THRB: variants seen among roughly 807,000 people sequenced by gnomAD.
THRB encodes the protein nuclear receptor subfamily 1 group A member 2.
In THRB, 12 loss-of-function variants were observed where a neutral mutation model predicts 47.8. The ratio of observed to expected loss-of-function variants is 0.25; its 90% CI spans 0.16 to 0.41. The LOEUF is 0.41. THRB is among the 10% of genes least tolerant of loss of function. THRB has a pLI of 1.00. For synonymous variants in THRB, 218 were observed against 212.2 expected (o/e 1.03, Z -0.24); for missense variants, 348 against 589.2 (o/e 0.59, Z 4.24).
At chr3:24,425,325 T>C (rs939792691) in intron 1 of THRB, among the ~76,000 whole-genome samples, 1 of 151,950 alleles carries the variant, frequency 6.6e-6, no homozygotes, top group African/African-American at 2.4e-5. Context: ...GATGACTTCA[T>C]AGGGTTTTTC....
chr3:24,154,250 AAG>A (rs2037460584), intron 5 of THRB, among the ~76,000 whole-genome samples: 1 of 152,202 alleles, frequency 6.6e-6, no homozygotes, highest in Admixed American at 6.5e-5. Context: ...CATTTTTAAA[AAG>A]GGAATTCTGG....
intron 3 of THRB, among the ~76,000 whole-genome samples, chr3:24,271,278 A>G (rs536769858): frequency 1.3e-5 from 2 of 152,214 alleles, no homozygotes; most frequent in Non-Finnish European, 2.9e-5. Flanking sequence ...TGAAAATACT[A>G]AACAATCAGA....
intron 3 of THRB, among the ~76,000 whole-genome samples, chr3:24,272,377 A>ACAACAACAAC (rs1559791569): frequency 2.1e-5 from 3 of 146,008 alleles, no homozygotes; most frequent in African/African-American, 8.0e-5. Context: ...ACAACAAACA[A>ACAACAACAAC]AAACAAACAA....
intron 4 of THRB, among the ~76,000 whole-genome samples, chr3:24,195,939 A>G (rs1329220780): frequency 6.6e-6 from 1 of 152,200 alleles, no homozygotes; most frequent in East Asian, 1.9e-4. Flanking sequence ...ACCAATGGGA[A>G]CTGTTTTGTC....
At chr3:24,232,727 G>A (rs1246493256) in intron 3 of THRB, among the ~76,000 whole-genome samples, 3 of 152,178 alleles carry the variant, frequency 2.0e-5, no homozygotes, top group African/African-American at 4.8e-5. Context: ...TCAGGCCACG[G>A]CAGGTCCAGA....
In THRB at chr3:24,375,747, G is replaced by T. The variant is rs115154668; in HGVS notation, c.-260-38376C>A. Among the ~76,000 whole-genome samples the T allele has an allele frequency of 5.5e-3, 830 of 151,928 alleles. 8 individuals carry two copies. The highest frequency in any genetic ancestry group is 0.018 in the African/African-American group (759 of 41,482). On this transcript the variant is annotated intron_variant, in intron 1 of 10. Coordinates refer to ENST00000646209, the MANE Select transcript of THRB (RefSeq NM_001354712.2). ...TATTTTTACCTCACTTTACAGACAG[G>T]CAACCTCAAGCCCAGGGACATTGAG...
intron 4 of THRB, among the ~76,000 whole-genome samples, chr3:24,211,367 G>A (rs1188366865): frequency 7.2e-5 from 11 of 152,164 alleles, no homozygotes; most frequent in African/African-American, 2.7e-4. Flanking sequence ...TTTCCAGCAA[G>A]GGGAGAAACA....
intron 10 of THRB, among the ~76,000 whole-genome samples, chr3:24,126,963 A>G (rs1192807569): frequency 6.6e-6 from 1 of 152,234 alleles, no homozygotes; most frequent in Non-Finnish European, 1.5e-5. Flanking sequence ...GAAAGGCCGC[A>G]TAGAGGGAGG....
chr3:24,300,240 C>T (rs182144449), intron 2 of THRB, among the ~76,000 whole-genome samples: 8 of 152,288 alleles, frequency 5.3e-5, no homozygotes, highest in Admixed American at 3.3e-4. Context: ...AGTTGATACA[C>T]TATTCCAGGT....
rs2031401734 is a variant in THRB at position 24,120,116 on chromosome 3, G to A, written c.*2768C>T. 6.6e-6 allele frequency: 1 copy of A among 152,224 alleles called. No homozygotes were observed. 9.4% of individuals were successfully genotyped at this position (152,224 alleles called of 1,614,324 possible). On this transcript the variant is annotated 3_prime_UTR_variant, in exon 11 of 11. Coordinates refer to ENST00000646209, the MANE Select transcript of THRB (RefSeq NM_001354712.2). ...AATCCCTCACAAATGAGTTTTATGA[G>A]ATGGAGTCTTGAGATGCACTAAGTA...
intron 3 of THRB, among the ~76,000 whole-genome samples, chr3:24,231,520 G>T: frequency 6.6e-6 from 1 of 152,120 alleles, no homozygotes; most frequent in Non-Finnish European, 1.5e-5. Flanking sequence ...TAGTGTTACT[G>T]TTACTATATA....
intron 1 of THRB, among the ~76,000 whole-genome samples, chr3:24,452,300 G>GGT (rs1553765750): frequency 1.3e-5 from 2 of 151,774 alleles, no homozygotes; most frequent in Non-Finnish European, 2.9e-5. Flanking sequence ...CTGGATTTTT[G>GGT]GCACCCCCTT....
chr3:24,441,599 A>T (rs2071528284), intron 1 of THRB, among the ~76,000 whole-genome samples: 1 of 152,212 alleles, frequency 6.6e-6, no homozygotes. Context: ...TATTGAATGA[A>T]CCGAGGCAAT....
intron 9 of THRB, among the ~76,000 whole-genome samples, chr3:24,132,148 C>T (rs1274649493): frequency 6.6e-6 from 1 of 152,088 alleles, no homozygotes; most frequent in Non-Finnish European, 1.5e-5. Flanking sequence ...AGGAGTCATT[C>T]CAGGTGAGGA....
chr3:24,427,169 C>T (rs1250547503), intron 1 of THRB, among the ~76,000 whole-genome samples: 1 of 151,892 alleles, frequency 6.6e-6, no homozygotes, highest in Non-Finnish European at 1.5e-5. Flanking sequence ...AATGAAAACC[C>T]ACCTTCCCTA....
At chr3:24,284,145 A>G (rs2054959947) in intron 3 of THRB, among the ~76,000 whole-genome samples, 1 of 148,754 alleles carries the variant, frequency 6.7e-6, no homozygotes, top group African/African-American at 2.5e-5. Flanking sequence ...CCAAAAGAAC[A>G]AAGCTGGAGG....
intron 4 of THRB, among the ~76,000 whole-genome samples, chr3:24,205,811 C>T (rs1280134732): frequency 6.6e-6 from 1 of 152,012 alleles, no homozygotes; most frequent in Non-Finnish European, 1.5e-5. Context: ...GGAAGATCTA[C>T]CAAGCAAATG....
intron 1 of THRB, among the ~76,000 whole-genome samples, chr3:24,483,034 C>A (rs1696715729): frequency 6.6e-6 from 1 of 152,054 alleles, no homozygotes; most frequent in Non-Finnish European, 1.5e-5. Flanking sequence ...ATCTAAAATG[C>A]ATGTGTCTGT....
At chr3:24,414,539 C>A (rs1466756654) in intron 1 of THRB, among the ~76,000 whole-genome samples, 2 of 151,746 alleles carry the variant, frequency 1.3e-5, no homozygotes, top group African/African-American at 4.8e-5. Flanking sequence ...CCGGACATAG[C>A]CAAATTACAA....
Sources: allele counts gnomAD v4.1 joint callset (sites outside exome capture counted in the v4.1 genomes callset), GRCh38; gene constraint gnomAD v4.1.1; transcripts MANE v1.5; gene names NCBI Gene and HGNC (gene_info 2026-07-23, HGNC 2026-07-21).